LMCD1: variants seen among roughly 807,000 people sequenced by gnomAD.
LMCD1 encodes the protein LIM and cysteine rich domains 1, also known as LIM and cysteine-rich domains protein 1.
In LMCD1, 32 loss-of-function variants were observed where a neutral mutation model predicts 42.7. The ratio of observed to expected loss-of-function variants is 0.75; its 90% CI spans 0.57 to 1.01. LMCD1 has a LOEUF of 1.01. Among genes scored for constraint, LMCD1 ranks in the 50% least tolerant of loss-of-function variants. LMCD1 has a pLI of 0.00. For missense variants in LMCD1, 458 were observed against 483.1 expected, an observed-to-expected ratio of 0.95 and a Z score of 0.49; for synonymous variants, 178 against 184.9, an observed-to-expected ratio of 0.96 and a Z score of 0.30.
chr3:8,524,457 A>T (rs963371950), intron 1 of LMCD1, among the ~76,000 whole-genome samples: 2 of 152,172 alleles, frequency 1.3e-5, no homozygotes, highest in African/African-American at 4.8e-5. Flanking sequence ...GGTCTGGTTA[A>T]GAGAATGACT....
chr3:8,535,649 C>T (rs1163849240), intron 2 of LMCD1, among the ~76,000 whole-genome samples: 1 of 152,218 alleles, frequency 6.6e-6, no homozygotes, highest in Non-Finnish European at 1.5e-5. Context: ...GAGAACTGGC[C>T]CAGGCCAGTA....
At position 8,568,157 on chromosome 3, in the gene LMCD1, G is replaced by C. The variant is rs1695159783; in HGVS notation, c.*559G>C. On this transcript the variant is annotated 3_prime_UTR_variant, in exon 6 of 6. Transcript: ENST00000157600. ...ATCTAATTATTTACACCATGGCAGTGATTTTGCAACACCCAGTGCTGGCAG... is the reference window on the plus strand; with the variant it reads ...ATCTAATTATTTACACCATGGCAGTCATTTTGCAACACCCAGTGCTGGCAG... 6.6e-6 allele frequency: 1 copy of C among 152,194 alleles called. No individual in the cohort carries two copies. Among genetic ancestry groups the C allele is most frequent in the African/African-American group, 2.4e-5 (1 of 41,450 alleles). 9.4% of individuals were successfully genotyped at this position (152,194 alleles called of 1,614,324 possible). A position where few individuals can be genotyped will look rare whatever the true frequency, so the allele number is the denominator to read the frequency against.
rs1044710084 is a variant in LMCD1, at chr3:8,568,456, G to C, written c.*858G>C. 6.6e-6 allele frequency: 1 copy of C among 152,208 alleles called. No homozygotes were observed. Among genetic ancestry groups the C allele is most frequent in the Non-Finnish European group, 1.5e-5 (1 of 68,050 alleles). 9.4% of individuals were successfully genotyped at this position (152,208 alleles called of 1,614,324 possible). ...CCTCTGGGAATAAGACCAGTACTGG[G>C]AAACCACTGAACAGGGGCCACCTAA... On this transcript the variant is annotated 3_prime_UTR_variant, in exon 6 of 6. Coordinates refer to ENST00000157600, the MANE Select transcript of LMCD1 (RefSeq NM_014583.4).
At chr3:8,521,301 G>T (rs1694199189) in intron 1 of LMCD1, among the ~76,000 whole-genome samples, 1 of 152,180 alleles carries the variant, frequency 6.6e-6, no homozygotes, top group South Asian at 2.1e-4. Flanking sequence ...ATTCCTAGAT[G>T]TTCCATGTGC....
At chr3:8,562,209 G>A (rs1574976163) in intron 4 of LMCD1, among the ~76,000 whole-genome samples, 1 of 152,158 alleles carries the variant, frequency 6.6e-6, no homozygotes, top group South Asian at 2.1e-4. Context: ...AATGTTACTG[G>A]CAGTAAAAGA....
chr3:8,535,686 C>G (rs992442256), intron 2 of LMCD1, among the ~76,000 whole-genome samples: 4 of 152,348 alleles, frequency 2.6e-5, no homozygotes, highest in African/African-American at 9.6e-5. Context: ...TTAGGCAACT[C>G]TCTTCTGCCC....
rs1162777277 is a variant in LMCD1 at position 8,561,386 on chromosome 3, T to G, written c.724-4046T>G. Among the ~76,000 whole-genome samples the G allele has an allele frequency of 4.3e-4, 65 of 152,146 alleles. 1 individual carries two copies. The highest frequency in any genetic ancestry group is 1.4e-3 in the African/African-American group (60 of 41,554). On this transcript the variant is annotated intron_variant, in intron 4 of 5. Coordinates refer to ENST00000157600, the MANE Select transcript of LMCD1 (RefSeq NM_014583.4). ...TAATAATAATTGAGCACAGAGTTTT[T>G]TTTTTTTTTTTTCCAATATAGGTCT...
intron 1 of LMCD1, among the ~76,000 whole-genome samples, chr3:8,531,112 C>T (rs1053792613): frequency 1.3e-5 from 2 of 152,176 alleles, no homozygotes; most frequent in Non-Finnish European, 2.9e-5. Context: ...TCTTTCCATA[C>T]GTCTGAATTC....
chr3:8,548,968 C>A, intron 4 of LMCD1, 65 bp downstream of exon 4: 1 of 1,248,432 alleles, frequency 8.0e-7, no homozygotes, highest in African/African-American at 1.5e-5. Context: ...ACAGTCAGGG[C>A]CCCATCACGG....
intron 1 of LMCD1, among the ~76,000 whole-genome samples, chr3:8,502,335 T>A (rs867070792): frequency 0.037 from 1,129 of 30,374 alleles, 15 homozygotes; most frequent in East Asian, 0.18. Flanking sequence ...ATATAATATA[T>A]ATTATATATA....
At chr3:8,509,897 C>A (rs1349895846) in intron 1 of LMCD1, among the ~76,000 whole-genome samples, 1 of 152,212 alleles carries the variant, frequency 6.6e-6, no homozygotes, top group East Asian at 1.9e-4. Context: ...GGACTATTGG[C>A]AGCTCTTAGG....
chr3:8,509,224 G>C (rs1693946462), intron 1 of LMCD1, among the ~76,000 whole-genome samples: 1 of 152,164 alleles, frequency 6.6e-6, no homozygotes, highest in Non-Finnish European at 1.5e-5. Flanking sequence ...ATTGGGATGT[G>C]GAAGACCAAA....
chr3:8,505,004 T>C (rs1349239737), intron 1 of LMCD1, among the ~76,000 whole-genome samples: 2 of 152,204 alleles, frequency 1.3e-5, no homozygotes, highest in Admixed American at 6.5e-5. Context: ...CATTTGAAAG[T>C]TGAAGAAACA....
At chr3:8,502,150 A>AC (rs944947634) in intron 1 of LMCD1, among the ~76,000 whole-genome samples, 170 bp downstream of exon 1, 70 of 146,976 alleles carry the variant, frequency 4.8e-4, no homozygotes, top group African/African-American at 1.7e-3. Context: ...AGGCACACAC[A>AC]CCCCAAACCC....
At chr3:8,523,848 GAC>G (rs1445922476) in intron 1 of LMCD1, among the ~76,000 whole-genome samples, 1 of 152,186 alleles carries the variant, frequency 6.6e-6, no homozygotes, top group African/African-American at 2.4e-5. Flanking sequence ...CTCCTCTGGT[GAC>G]ACACAGGACC....
At chr3:8,547,716 C>A (rs1218820834) in intron 3 of LMCD1, among the ~76,000 whole-genome samples, 2 of 145,870 alleles carry the variant, frequency 1.4e-5, no homozygotes, top group Non-Finnish European at 3.0e-5. Flanking sequence ...CACGGTGAAA[C>A]CCTGTCTGTA....
intron 1 of LMCD1, among the ~76,000 whole-genome samples, chr3:8,509,542 C>T (rs745474545): frequency 3.9e-5 from 6 of 152,198 alleles, no homozygotes; most frequent in Admixed American, 1.3e-4. Context: ...GTACTGAATA[C>T]ATGACAATGA....
At chr3:8,515,323 C>A (rs565326966) in intron 1 of LMCD1, among the ~76,000 whole-genome samples, 1 of 152,162 alleles carries the variant, frequency 6.6e-6, no homozygotes, top group Non-Finnish European at 1.5e-5. Context: ...TCCTTGTGGG[C>A]GTGCTGAGAG....
intron 3 of LMCD1, among the ~76,000 whole-genome samples, chr3:8,542,884 G>A (rs980776649): frequency 1.3e-5 from 2 of 152,130 alleles, no homozygotes; most frequent in Non-Finnish European, 2.9e-5. Context: ...GAAGCACTTG[G>A]AAGAGTGCCT....
Sources: allele counts gnomAD v4.1 joint callset (sites outside exome capture counted in the v4.1 genomes callset), GRCh38; gene constraint gnomAD v4.1.1; transcripts MANE v1.5; gene names NCBI Gene and HGNC (gene_info 2026-07-23, HGNC 2026-07-21).